Variants in FAT4 observed in about 807,000 individuals in gnomAD.
The protein encoded by FAT4 is FAT atypical cadherin 4.
A neutral mutation model predicts 303.9 loss-of-function variants in FAT4; 84 were observed. The observed-to-expected ratio is 0.28, with a 90% CI of 0.23 to 0.33. FAT4 has a LOEUF of 0.33. Ranked by LOEUF, FAT4 falls within the 10% of genes least tolerant of loss-of-function variation. FAT4 has a pLI of 1.00. For synonymous variants in FAT4, 2,307 were observed against 2,298.8 expected, an observed-to-expected ratio of 1.00 and a Z score of -0.10; for missense variants, 6,005 against 6,146.8, an observed-to-expected ratio of 0.98 and a Z score of 0.77.
At chr4:125,426,649 TA>T (rs1278064655) in intron 7 of FAT4, among the ~76,000 whole-genome samples, 1 of 152,020 alleles carries the variant, frequency 6.6e-6, no homozygotes, top group African/African-American at 2.4e-5. Flanking sequence ...TTTCTTAAGA[TA>T]AAACTCCAGA....
intron 2 of FAT4, among the ~76,000 whole-genome samples, chr4:125,339,570 C>G (rs757306461): frequency 6.6e-6 from 1 of 152,108 alleles, no homozygotes; most frequent in Non-Finnish European, 1.5e-5. Context: ...ACATTAACAG[C>G]AACTACCTCT....
intron 7 of FAT4, among the ~76,000 whole-genome samples, chr4:125,433,225 G>C (rs1007379898): frequency 3.3e-5 from 5 of 152,140 alleles, no homozygotes; most frequent in African/African-American, 1.2e-4. Context: ...AAATGAATGA[G>C]TGGCTTTATT....
intron 10 of FAT4, among the ~76,000 whole-genome samples, chr4:125,462,883 T>A (rs76052349): frequency 0.025 from 3,781 of 152,138 alleles, 161 homozygotes; most frequent in African/African-American, 0.087. Flanking sequence ...TGGCCCATAA[T>A]AAGCACTCAC....
At chr4:125,428,678 G>T (rs1033226050) in intron 7 of FAT4, among the ~76,000 whole-genome samples, 1 of 152,042 alleles carries the variant, frequency 6.6e-6, no homozygotes, top group Admixed American at 6.6e-5. Flanking sequence ...GAATACATAT[G>T]TGCATACATA....
At position 125,321,209 on chromosome 4, in the gene FAT4, A is replaced by G. The variant is rs768663015; in HGVS notation, c.4798A>G (p.Ile1600Val). 9 of 1,613,694 alleles carry G rather than the reference A, an allele frequency of 5.6e-6. No homozygotes were observed. The highest frequency in any genetic ancestry group is 7.6e-6 in the Non-Finnish European group (9 of 1,179,580). Residue 1600 changes from isoleucine (I) to valine (V), a missense_variant, in exon 2 of 18, where the codon ATA becomes GTA. Transcript: ENST00000394329. ...LVPSQLIYNL[I>V]VSATDLGPER... ...GCCTTCACAGTTGATCTACAATCTC[A>G]TAGTTTCAGCAACAGACCTTGGGCC... is the stretch of plus-strand genomic sequence containing the variant.
Position 125,458,728 on chromosome 4 carries a change from C to A in FAT4, c.11801-4835C>A, listed in dbSNP as rs542478394. 2.6e-5 allele frequency among the ~76,000 whole-genome samples: 4 copies of A among 151,918 alleles called. No individual in the cohort carries two copies. The East Asian group carries it at 7.7e-4, about 29-fold the overall frequency. On this transcript the variant is annotated intron_variant, in intron 10 of 17. Transcript: ENST00000394329. ...CATTATGTGTGTAATCATATGTAAT[C>A]ATTTGTAGTCTCATTGAGGTTGTGT...
At chr4:125,479,707 T>C in intron 14 of FAT4, 34 bp from the exon 15 acceptor site, 1 of 1,489,096 alleles carries the variant, frequency 6.7e-7, no homozygotes, top group East Asian at 2.3e-5. Flanking sequence ...TCATCTTTTA[T>C]GTGCGTTATT....
intron 5 of FAT4, among the ~76,000 whole-genome samples, chr4:125,409,409 ACCACGC>A (rs1734759838): frequency 6.6e-6 from 1 of 152,010 alleles, no homozygotes; most frequent in Non-Finnish European, 1.5e-5. Context: ...GGCATGCACC[ACCACGC>A]CTGGCTAATT....
intron 2 of FAT4, among the ~76,000 whole-genome samples, chr4:125,357,924 C>G (rs1169121245): frequency 6.6e-6 from 1 of 152,094 alleles, no homozygotes; most frequent in Non-Finnish European, 1.5e-5. Flanking sequence ...AAAGGAAAAG[C>G]TAACTACTTC....
At chr4:125,464,991 T>C (rs1380716333) in intron 11 of FAT4, among the ~76,000 whole-genome samples, 1 of 152,236 alleles carries the variant, frequency 6.6e-6, no homozygotes, top group Non-Finnish European at 1.5e-5. Flanking sequence ...TAGGTATTTT[T>C]AATTTCCAAA....
chr4:125,413,732 T>C lies in FAT4; in HGVS notation c.5921-1152T>C, dbSNP rs527281324. Among the ~76,000 whole-genome samples the C allele has an allele frequency of 7.2e-5, 11 of 152,082 alleles. No individual in the cohort carries two copies. The East Asian group carries it at 2.1e-3, about 29-fold the overall frequency. ...AGGCAAAAGTTAACTGAAGTATTGATAGAATAATGAGAAAGAATTTTTTTA... is the reference window on the plus strand; with the variant it reads ...AGGCAAAAGTTAACTGAAGTATTGACAGAATAATGAGAAAGAATTTTTTTA... On this transcript the variant is annotated intron_variant, in intron 5 of 17. Transcript: ENST00000394329.
Position 125,317,969 on chromosome 4 carries a change from C to G in FAT4, c.1558C>G (p.Leu520Val). ...LRYSIVSGNG[L>V]GWFHISEHSG... ...TTACAGCATTGTCTCTGGCAATGGA[C>G]TGGGATGGTTCCATATCAGTGAACA... Residue 520 changes from leucine (L) to valine (V), a missense_variant, in exon 2 of 18, where the codon CTG becomes GTG. Physicochemically the swap from Leu to Val is conservative, Grantham distance 32 (BLOSUM62 1). Coordinates refer to ENST00000394329, the MANE Select transcript of FAT4 (RefSeq NM_001291303.3). The surrounding 1 kb of genome is among the most constrained non-coding windows in gnomAD (Gnocchi z 7.0). 6.2e-7 allele frequency: 1 copy of G among 1,614,176 alleles called. No individual in the cohort carries two copies. The highest frequency in any genetic ancestry group is 8.5e-7 in the Non-Finnish European group (1 of 1,180,040).
At position 125,487,432 on chromosome 4, in the gene FAT4, G is replaced by A. The variant is rs746761404; in HGVS notation, c.12910G>A (p.Gly4304Ser). 91 of 1,613,864 alleles carry A rather than the reference G, an allele frequency of 5.6e-5. No individual in the cohort carries two copies. The highest frequency in any genetic ancestry group is 2.0e-4 in the Admixed American group (12 of 59,982). Residue 4304 changes from glycine to serine, a missense_variant, in exon 17 of 18, where the codon GGC becomes AGC. Coordinates refer to ENST00000394329, the MANE Select transcript of FAT4 (RefSeq NM_001291303.3). ...TATTCCTGAAGTATATGTTGCAGAC[G>A]GCCACTGGCACACTTTTCTAATTGG... Reference protein sequence around the residue: ...RNIPEVYVADGHWHTFLIGKN... With the variant: ...RNIPEVYVADSHWHTFLIGKN...
At chr4:125,410,245 C>CTACTACTAT (rs1483815371) in intron 5 of FAT4, among the ~76,000 whole-genome samples, 1 of 152,088 alleles carries the variant, frequency 6.6e-6, no homozygotes, top group African/African-American at 2.4e-5. Context: ...AATGCTAGTA[C>CTACTACTAT]TACTACTATT....
At position 125,320,307 on chromosome 4, in the gene FAT4, G is replaced by A. The variant is rs374884564; in HGVS notation, c.3896G>A (p.Cys1299Tyr). Residue 1299 changes from cysteine to tyrosine, a missense_variant, in exon 2 of 18, where the codon TGT becomes TAT. Transcript: ENST00000394329. Reference protein sequence around the residue: ...DSGTIPLNSTCTLNIDILDEN... With the variant: ...DSGTIPLNSTYTLNIDILDEN... ...GGGACAATCCCCCTCAATTCAACGT[G>A]TACTTTAAATATTGATATTTTAGAT... The A allele has an allele frequency of 3.1e-6, 5 of 1,613,066 alleles. No homozygotes were observed. Among genetic ancestry groups the A allele is most frequent in the Non-Finnish European group, 4.2e-6 (5 of 1,179,194 alleles).
intron 7 of FAT4, among the ~76,000 whole-genome samples, chr4:125,427,574 T>TC: frequency 6.6e-6 from 1 of 151,954 alleles, no homozygotes; most frequent in East Asian, 1.9e-4. Flanking sequence ...TATGTATTTT[T>TC]TGTATTCAAA....
At chr4:125,414,550 C>T (rs1036954080) in intron 5 of FAT4, among the ~76,000 whole-genome samples, 16 of 151,976 alleles carry the variant, frequency 1.1e-4, no homozygotes, top group African/African-American at 3.9e-4. Context: ...TGTCAGCCTC[C>T]CTAAATTACT....
chr4:125,379,105 T>C (rs1188196397), intron 2 of FAT4, among the ~76,000 whole-genome samples: 1 of 152,192 alleles, frequency 6.6e-6, no homozygotes, highest in Non-Finnish European at 1.5e-5. Context: ...AATTTGCAGT[T>C]GCTTGGAAGC....
chr4:125,406,718 G>A (rs1020234972), intron 3 of FAT4, among the ~76,000 whole-genome samples, 162 bp from the exon 4 acceptor site: 2 of 152,034 alleles, frequency 1.3e-5, no homozygotes, highest in Admixed American at 6.6e-5. Context: ...TACCGCCTTC[G>A]TTAGTTAGTA....
Sources: gnomAD v4.1 joint callset for allele counts (sites outside exome capture counted in the v4.1 genomes callset) on GRCh38, gnomAD v4.1.1 for gene constraint, Gnocchi (gnomAD v3.1) non-coding constraint, MANE v1.5 for transcripts, NCBI Gene and HGNC (gene_info 2026-07-23, HGNC 2026-07-21) for gene names.